The following DCX variants were observed in gnomAD, a reference collection of about 807,000 sequenced individuals.
DCX encodes doublecortin, also known as neuronal migration protein doublecortin.
Under a neutral mutation model 20.9 loss-of-function variants are expected in DCX, and 4 were observed. The ratio of observed to expected loss-of-function variants is 0.19; its 90% CI spans 0.09 to 0.44. DCX has a LOEUF of 0.44. Among genes scored for constraint, DCX ranks in the 20% least tolerant of loss-of-function variants. The probability of loss-of-function intolerance (pLI) is 0.99; values close to 1 mark genes in which losing one functional copy is unlikely to be tolerated. For synonymous variants in DCX, 103 were observed against 111.4 expected (o/e 0.92, Z 0.47); for missense variants, 133 against 296.9 (o/e 0.45, Z 4.06).
At chrX:111,346,533 G>A (rs1043474362) in intron 3 of DCX, among the ~76,000 whole-genome samples, 1 of 112,166 alleles carries the variant, frequency 8.9e-6, no homozygotes, top group Admixed American at 9.4e-5. Flanking sequence ...TGGATTAGAA[G>A]TTGCCAGCAG....
At chrX:111,409,924 C>T (rs987512085) in intron 2 of DCX, 111 bp downstream of exon 2, 62 of 1,016,811 alleles carry the variant, frequency 6.1e-5, no homozygotes, top group Non-Finnish European at 8.0e-5. Context: ...TCAATCAACC[C>T]GGTGTTTTGA....
In DCX at chrX:111,401,029, G is replaced by A. The variant is rs143501582; in HGVS notation, c.666C>T (p.Thr222=). ...TDITEAIKLE[T]GVVKKLYTLD... ...GAGTGTAGAGTTTTTTGACAACCCC[G>A]GTCTCCAGTTTGATGGCTTCTGTGA... Residue 222 remains threonine (T), a synonymous_variant, in exon 3 of 7, where the codon ACC becomes ACT. Coordinates refer to ENST00000636035, the MANE Select transcript of DCX (RefSeq NM_001195553.2). The A allele has an allele frequency of 1.6e-4, 193 of 1,209,321 alleles. 2 individuals are homozygous for A. The East Asian group carries it at 4.4e-3, about 27-fold the overall frequency.
chrX:111,330,513 T>C (rs1294692263), intron 5 of DCX, among the ~76,000 whole-genome samples: 1 of 112,253 alleles, frequency 8.9e-6, no homozygotes, highest in African/African-American at 3.2e-5. Context: ...GTGAGTCAAC[T>C]ATGTTGACAC....
chrX:111,348,526 T>C (rs776619398), intron 3 of DCX, among the ~76,000 whole-genome samples: 1 of 111,497 alleles, frequency 9.0e-6, no homozygotes, highest in East Asian at 2.9e-4. Flanking sequence ...GCGCTGGAGT[T>C]GGGCTGTTGA....
At chrX:111,406,316 C>T (rs777383486) in intron 2 of DCX, among the ~76,000 whole-genome samples, 3 of 112,029 alleles carry the variant, frequency 2.7e-5, no homozygotes, top group African/African-American at 9.7e-5. Flanking sequence ...GAAAGGCAGC[C>T]GGGTTTGGAA....
intron 6 of DCX, among the ~76,000 whole-genome samples, chrX:111,306,264 A>C (rs2095045117): frequency 8.9e-6 from 1 of 111,832 alleles, no homozygotes; most frequent in African/African-American, 3.2e-5. Flanking sequence ...ATCAGTAACT[A>C]AAGAGAGCTA....
chrX:111,307,132 G>A (rs1244410219), intron 6 of DCX, among the ~76,000 whole-genome samples: 1 of 110,211 alleles, frequency 9.1e-6, no homozygotes, highest in African/African-American at 3.3e-5. Context: ...TAAAAGGAGT[G>A]AATTCTATAC....
chrX:111,374,870 T>C (rs747583358), intron 3 of DCX, among the ~76,000 whole-genome samples: 5 of 107,639 alleles, frequency 4.6e-5, no homozygotes, highest in Admixed American at 1.0e-4. Context: ...TGTTAACTTA[T>C]AGGTTGTCTC....
chrX:111,334,943 T>C (rs1043287945), intron 3 of DCX, among the ~76,000 whole-genome samples: 1 of 112,102 alleles, frequency 8.9e-6, no homozygotes, highest in Non-Finnish European at 1.9e-5. Context: ...CTGCATATTG[T>C]CCTAGTAGTG....
At chrX:111,385,680 A>G (rs1475326685) in intron 3 of DCX, among the ~76,000 whole-genome samples, 1 of 106,862 alleles carries the variant, frequency 9.4e-6, no homozygotes, top group Non-Finnish European at 1.9e-5. Context: ...AAAAAGAAAG[A>G]AAGAGAAAGA....
At chrX:111,321,837 T>C (rs1248724845) in intron 5 of DCX, among the ~76,000 whole-genome samples, 6 of 112,130 alleles carry the variant, frequency 5.4e-5, no homozygotes, top group Admixed American at 1.9e-4. Context: ...CATTATACTT[T>C]CTGGGCTCAA....
At position 111,296,610 on chromosome X, in the gene DCX, A is replaced by AAAT. The variant is rs1229458184; in HGVS notation, c.*5074_*5076dup. ...TCTACTAAAAATAATAATAATAAAA[A>AAAT]AATAGCCAGATTTGGTGGCGCACGC... is the stretch of plus-strand genomic sequence containing the variant. On this transcript the variant is annotated 3_prime_UTR_variant, in exon 7 of 7. Coordinates refer to ENST00000636035, the MANE Select transcript of DCX (RefSeq NM_001195553.2). 2.7e-5 allele frequency: 3 copies of AAAT among 109,468 alleles called. No individual in the cohort carries two copies. The highest frequency in any genetic ancestry group is 3.8e-5 in the Non-Finnish European group (2 of 52,673). The allele number at this position is 109,468 out of a possible 1,213,427, so 9.0% of individuals were successfully genotyped here.
At chrX:111,373,331 G>A (rs748431010) in intron 3 of DCX, among the ~76,000 whole-genome samples, 1 of 111,651 alleles carries the variant, frequency 9.0e-6, no homozygotes, top group African/African-American at 3.2e-5. Context: ...TCCCTTCCCT[G>A]GTCCCTGATT....
chrX:111,403,761 C>G (rs757405080), intron 2 of DCX, among the ~76,000 whole-genome samples: 2 of 112,020 alleles, frequency 1.8e-5, no homozygotes, highest in Non-Finnish European at 3.8e-5. Flanking sequence ...GTGTTCAACC[C>G]ATGGCCAGGT....
intron 3 of DCX, among the ~76,000 whole-genome samples, chrX:111,364,701 C>T (rs1924467269): frequency 9.0e-6 from 1 of 111,639 alleles, no homozygotes; most frequent in South Asian, 3.8e-4. Context: ...TACAGAATAA[C>T]TATCAAGTTG....
At chrX:111,360,176 A>G (rs1041444266) in intron 3 of DCX, among the ~76,000 whole-genome samples, 1 of 112,097 alleles carries the variant, frequency 8.9e-6, no homozygotes, top group Non-Finnish European at 1.9e-5. Context: ...TCACAATAGC[A>G]AAGACTTAGA....
intron 3 of DCX, among the ~76,000 whole-genome samples, chrX:111,387,181 A>G (rs773016620): frequency 8.9e-6 from 1 of 112,374 alleles, no homozygotes; most frequent in Admixed American, 9.4e-5. Context: ...ATGGTAGGCA[A>G]AGTGCCTAGG....
rs766809277 is a variant in DCX at position 111,405,460 on chromosome X, T to G, written c.365-4130A>C. On this transcript the variant is annotated intron_variant, in intron 2 of 6. Transcript: ENST00000636035. ...AACATATGAGCTATGGTAAAAGAACTGGATCATAGCCAGTGTGACTACACA... is the reference window on the plus strand; with the variant it reads ...AACATATGAGCTATGGTAAAAGAACGGGATCATAGCCAGTGTGACTACACA... Among the ~76,000 whole-genome samples, 4 of 111,726 alleles carry G rather than the reference T, an allele frequency of 3.6e-5. No individual in the cohort carries two copies. In the South Asian group the frequency reaches 1.5e-3, roughly 42 times the overall value.
chrX:111,408,650 G>GAAAGAA, intron 2 of DCX, among the ~76,000 whole-genome samples: 1 of 102,615 alleles, frequency 9.7e-6, no homozygotes, highest in African/African-American at 3.6e-5. Context: ...AAGAAAGAAA[G>GAAAGAA]AAAGAAAGAA....
Sources: gnomAD v4.1 joint callset for allele counts (sites outside exome capture counted in the v4.1 genomes callset) on GRCh38, gnomAD v4.1.1 for gene constraint, MANE v1.5 for transcripts, NCBI Gene and HGNC (gene_info 2026-07-23, HGNC 2026-07-21) for gene names.